The following ZNF136 variants were observed in gnomAD, a reference collection of about 807,000 sequenced individuals.
The protein encoded by ZNF136 is zinc finger protein 136.
ZNF136 carries 8 observed loss-of-function variants against 11.4 expected under a neutral mutation model. The ratio of observed to expected loss-of-function variants is 0.70; its 90% CI spans 0.41 to 1.27. The LOEUF (loss-of-function observed/expected upper bound fraction) is 1.27, where lower values mean the gene tolerates loss of function less well. Among genes scored for constraint, ZNF136 ranks in the 50% most tolerant of loss-of-function variants. The pLI is 0.01. For missense variants in ZNF136, 590 were observed against 656.5 expected, an observed-to-expected ratio of 0.90 and a Z score of 1.11; for synonymous variants, 190 against 207.1, an observed-to-expected ratio of 0.92 and a Z score of 0.71.
intron 1 of ZNF136, among the ~76,000 whole-genome samples, chr19:12,167,343 A>G (rs532953910): frequency 1.4e-4 from 21 of 152,242 alleles, no homozygotes; most frequent in Non-Finnish European, 3.1e-4. Context: ...CAGAGACACA[A>G]ATTTAAGGAA....
intron 1 of ZNF136, chr19:12,185,152 G>T (rs1915050960): frequency 6.6e-6 from 1 of 152,196 alleles, no homozygotes; most frequent in African/African-American, 2.4e-5. Flanking sequence ...TAAGTGGTGG[G>T]TTATTTAAAA....
chr19:12,165,207 C>T (rs1599450199), intron 1 of ZNF136, among the ~76,000 whole-genome samples: 2 of 152,276 alleles, frequency 1.3e-5, no homozygotes, highest in South Asian at 4.1e-4. Context: ...TACACAGTGT[C>T]GCGTAATGCA....
At position 12,187,800 on chromosome 19, in the gene ZNF136, AC is replaced by A; in HGVS notation, c.1425del (p.Phe476LeufsTer49). ...ATGAAATGATTCACACTGGTGAGAAACCCTTTGAATGTAAGCGATGTGGTAA... is the reference window on the plus strand; with the variant it reads ...ATGAAATGATTCACACTGGTGAGAAACCTTTGAATGTAAGCGATGTGGTAA... ...THEMIHTGEK[P>X]FECKRCGKAF... On this transcript the variant is annotated frameshift_variant, in exon 4 of 4. Transcript: ENST00000343979. LOFTEE classifies it low-confidence loss of function (END_TRUNC). 6.2e-7 allele frequency: 1 copy of A among 1,608,190 alleles called. No homozygotes were observed. The highest frequency in any genetic ancestry group is 8.5e-7 in the Non-Finnish European group (1 of 1,178,066).
In ZNF136 at chr19:12,185,917, G is replaced by T. The variant is rs1404625581; in HGVS notation, c.130+6G>T. The T allele has an allele frequency of 6.2e-7, 1 of 1,613,000 alleles. No homozygotes were observed. Among genetic ancestry groups the T allele is most frequent in the Admixed American group, 1.7e-5 (1 of 59,492 alleles). On this transcript the variant is annotated splice_donor_region_variant and intron_variant, in intron 2 of 3. Transcript: ENST00000343979. ...GAGGAATCTGGCCTCTATAGGTAAG[G>T]ATTGTATACTTCCATCACTTAGCAA...
intron 1 of ZNF136, among the ~76,000 whole-genome samples, chr19:12,180,187 G>A (rs1206809246): frequency 1.3e-5 from 2 of 152,178 alleles, no homozygotes; most frequent in East Asian, 3.8e-4. Flanking sequence ...ATTTTTAAAA[G>A]TCTCCCTTAT....
At position 12,187,414 on chromosome 19, in the gene ZNF136, A is replaced by G; in HGVS notation, c.1036A>G (p.Arg346Gly). 6.2e-7 allele frequency: 1 copy of G among 1,614,026 alleles called. No homozygotes were observed. The highest frequency in any genetic ancestry group is 8.5e-7 in the Non-Finnish European group (1 of 1,179,972). The change falls in exon 4 of 4, where the codon AGA becomes GGA. Residue 346 changes from arginine to glycine, a missense_variant. Transcript: ENST00000343979. ...FVCKQCGKAF[R>G]SASTFQIHER... ...ATGTAAACAATGTGGTAAAGCCTTTAGATCTGCCAGTACCTTTCAAATACA... is the reference window on the plus strand; with the variant it reads ...ATGTAAACAATGTGGTAAAGCCTTTGGATCTGCCAGTACCTTTCAAATACA...
intron 1 of ZNF136, among the ~76,000 whole-genome samples, chr19:12,179,617 A>C (rs1361742718): frequency 6.6e-6 from 1 of 151,542 alleles, no homozygotes; most frequent in Non-Finnish European, 1.5e-5. Flanking sequence ...AGCCCAAAAG[A>C]ATTTCTTCTA....
chr19:12,186,678 ACT>A lies in ZNF136; in HGVS notation c.303_304del (p.Cys102Ter). 1 of 1,614,098 alleles carries A rather than the reference ACT, an allele frequency of 6.2e-7. No homozygotes were observed. Among genetic ancestry groups the A allele is most frequent in the Non-Finnish European group, 8.5e-7 (1 of 1,179,996 alleles). ...TGAGCAAGAAAATCCCTGGAGTGAA[ACT>A]CTGTGAAAGCATTGTATATGGAGAA... ...NLSKKIPGVK[L>X]CESIVYGEVS... On this transcript the variant is annotated frameshift_variant, in exon 4 of 4. Transcript: ENST00000343979. LOFTEE classifies it low-confidence loss of function (END_TRUNC).
At chr19:12,178,174 T>C (rs1914846766) in intron 1 of ZNF136, among the ~76,000 whole-genome samples, 1 of 152,228 alleles carries the variant, frequency 6.6e-6, no homozygotes, top group South Asian at 2.1e-4. Flanking sequence ...TTGAATTCTT[T>C]ATATATTTTG....
rs538143217 is a variant in ZNF136 at position 12,174,857 on chromosome 19, C to CTTTTTT, written c.4-10915_4-10910dup. On this transcript the variant is annotated intron_variant, in intron 1 of 3. Transcript: ENST00000343979. ...TCACCATGTTAGTCAGGATGGCTTT[C>CTTTTTT]TTTTTTTTTTTTTTTTTTGAGACGG... Among the ~76,000 whole-genome samples, 215 of 87,218 alleles carry CTTTTTT rather than the reference C, an allele frequency of 2.5e-3. 3 individuals carry two copies. The highest frequency in any genetic ancestry group is 4.1e-3 in the African/African-American group (92 of 22,654). 57.2% of individuals were successfully genotyped at this position (87,218 alleles called of 152,430 possible). A position where few individuals can be genotyped will look rare whatever the true frequency, so the allele number is the denominator to read the frequency against.
At chr19:12,179,485 A>G (rs774688953) in intron 1 of ZNF136, among the ~76,000 whole-genome samples, 19 of 151,704 alleles carry the variant, frequency 1.3e-4, no homozygotes, top group Non-Finnish European at 2.7e-4. Context: ...TAATTTTTGT[A>G]TTTTTTATAG....
intron 3 of ZNF136, among the ~76,000 whole-genome samples, 174 bp from the exon 4 acceptor site, chr19:12,186,394 TTG>T: frequency 6.6e-6 from 1 of 152,028 alleles, no homozygotes; most frequent in Non-Finnish European, 1.5e-5. Context: ...ATATCACTGT[TTG>T]AGTGATAGTT....
intron 1 of ZNF136, among the ~76,000 whole-genome samples, chr19:12,169,088 C>T (rs867082877): frequency 3.5e-4 from 53 of 152,314 alleles, no homozygotes; most frequent in Middle Eastern, 6.8e-3. Flanking sequence ...TGCCTCCACT[C>T]CTCCCTGCTG....
At chr19:12,181,649 G>C (rs59117904) in intron 1 of ZNF136, among the ~76,000 whole-genome samples, 9 of 151,068 alleles carry the variant, frequency 6.0e-5, no homozygotes, top group East Asian at 2.0e-4. Context: ...ATTTTTTTTG[G>C]GGGGGGACAG....
chr19:12,170,989 C>T (rs1914640026), intron 1 of ZNF136, among the ~76,000 whole-genome samples: 1 of 152,148 alleles, frequency 6.6e-6, no homozygotes, highest in Non-Finnish European at 1.5e-5. Context: ...GCATGCACCA[C>T]CACGCCCGGC....
At chr19:12,185,652 G>T in intron 1 of ZNF136, 133 bp from the exon 2 acceptor site, 1 of 1,154,380 alleles carries the variant, frequency 8.7e-7, no homozygotes, top group East Asian at 2.6e-5. Context: ...GGAAGGAAGT[G>T]AGTATGATGA....
In ZNF136 at chr19:12,171,433, C is replaced by G. The variant is rs369481042; in HGVS notation, c.3+8227C>G. Among the ~76,000 whole-genome samples, 43 of 152,292 alleles carry G rather than the reference C, an allele frequency of 2.8e-4. No homozygotes were observed. The South Asian group carries it at 8.5e-3, about 30-fold the overall frequency. Reference sequence around the variant, plus strand: ...TATAAGTAGTTCTCTTTATTTTTCTCTGTGTGATTACATGTTGCTTTTTAC... The same window carrying G: ...TATAAGTAGTTCTCTTTATTTTTCTGTGTGTGATTACATGTTGCTTTTTAC... On this transcript the variant is annotated intron_variant, in intron 1 of 3. Coordinates refer to ENST00000343979, the MANE Select transcript of ZNF136 (RefSeq NM_003437.5).
At chr19:12,175,210 G>C (rs535490429) in intron 1 of ZNF136, among the ~76,000 whole-genome samples, 3 of 149,840 alleles carry the variant, frequency 2.0e-5, no homozygotes, top group East Asian at 4.0e-4. Context: ...TTTTTTTTTG[G>C]GGGGGACAGA....
chr19:12,168,828 A>G (rs1914560234), intron 1 of ZNF136, among the ~76,000 whole-genome samples: 1 of 151,810 alleles, frequency 6.6e-6, no homozygotes, highest in South Asian at 2.1e-4. Context: ...AGTGCCTGCC[A>G]CCAGGCCCGG....
Sources: gnomAD v4.1 joint callset for allele counts (sites outside exome capture counted in the v4.1 genomes callset) on GRCh38, gnomAD v4.1.1 for gene constraint, MANE v1.5 for transcripts, NCBI Gene and HGNC (gene_info 2026-07-23, HGNC 2026-07-21) for gene names.